NAALADL2: variants seen among roughly 807,000 people sequenced by gnomAD.
NAALADL2 encodes inactive N-acetylated-alpha-linked acidic dipeptidase-like protein 2.
A neutral mutation model predicts 87.2 loss-of-function variants in NAALADL2; 76 were observed. The observed-to-expected ratio is 0.87, with a 90% CI of 0.72 to 1.05. The LOEUF is 1.05. Among genes scored for constraint, NAALADL2 ranks in the 50% least tolerant of loss-of-function variants. The pLI, the probability that NAALADL2 is intolerant of heterozygous loss-of-function variation, is 0.00. For synonymous variants in NAALADL2, 354 were observed against 331.0 expected, an observed-to-expected ratio of 1.07 and a Z score of -0.75; for missense variants, 1,089 against 945.8, an observed-to-expected ratio of 1.15 and a Z score of -1.99.
intron 2 of NAALADL2, among the ~76,000 whole-genome samples, chr3:174,674,382 G>A (rs2108809823): frequency 6.6e-6 from 1 of 152,050 alleles, no homozygotes; most frequent in Admixed American, 6.6e-5. Flanking sequence ...ATGTCTAAAA[G>A]GTGAGGAGAC....
intron 1 of NAALADL2, among the ~76,000 whole-genome samples, chr3:174,548,381 G>A (rs1255464959): frequency 6.6e-6 from 1 of 151,662 alleles, no homozygotes; most frequent in African/African-American, 2.4e-5. Context: ...CATATGCACA[G>A]AAAAAAAACT....
At chr3:175,684,828 A>G (rs1736052890) in intron 11 of NAALADL2, among the ~76,000 whole-genome samples, 1 of 152,200 alleles carries the variant, frequency 6.6e-6, no homozygotes, top group Non-Finnish European at 1.5e-5. Flanking sequence ...TTAAAGATCC[A>G]TATTAAATTG....
chr3:175,742,423 A>G (rs943870021), intron 12 of NAALADL2, among the ~76,000 whole-genome samples: 1 of 152,120 alleles, frequency 6.6e-6, no homozygotes, highest in African/African-American at 2.4e-5. Flanking sequence ...TCTGAGACGG[A>G]GTCTCGCTCT....
intron 2 of NAALADL2, among the ~76,000 whole-genome samples, chr3:174,572,471 T>G (rs1057054351): frequency 7.9e-5 from 12 of 152,182 alleles, no homozygotes; most frequent in African/African-American, 2.9e-4. Context: ...TTTATTTCAC[T>G]GTTAGAAACA....
chr3:175,263,438 A>G (rs1447677485), intron 4 of NAALADL2, among the ~76,000 whole-genome samples: 3 of 151,918 alleles, frequency 2.0e-5, no homozygotes, highest in Non-Finnish European at 4.4e-5. Flanking sequence ...CGAATCTTCA[A>G]AGTCTGTCAA....
chr3:174,933,307 G>A (rs1199566188), intron 1 of NAALADL2, among the ~76,000 whole-genome samples: 1 of 152,134 alleles, frequency 6.6e-6, no homozygotes, highest in East Asian at 1.9e-4. Context: ...ATATTTTCCT[G>A]TTCAGATTCT....
chr3:175,550,679 C>T (rs1340217901), intron 9 of NAALADL2, among the ~76,000 whole-genome samples: 1 of 152,090 alleles, frequency 6.6e-6, no homozygotes, highest in Non-Finnish European at 1.5e-5. Context: ...ATTCTGATCT[C>T]AATAACATAT....
chr3:174,886,070 C>A (rs1371083893), intron 1 of NAALADL2, among the ~76,000 whole-genome samples: 1 of 151,470 alleles, frequency 6.6e-6, no homozygotes, highest in Non-Finnish European at 1.5e-5. Flanking sequence ...CCTGCCACCA[C>A]GCCCAGCTAA....
intron 2 of NAALADL2, among the ~76,000 whole-genome samples, chr3:175,155,195 G>A (rs1732119706): frequency 6.6e-6 from 1 of 152,066 alleles, no homozygotes; most frequent in Non-Finnish European, 1.5e-5. Context: ...TGGGGCCTGG[G>A]TATCAGCAGT....
chr3:175,372,237 AT>A (rs1243046185), intron 5 of NAALADL2, among the ~76,000 whole-genome samples: 1 of 152,052 alleles, frequency 6.6e-6, no homozygotes, highest in Non-Finnish European at 1.5e-5. Flanking sequence ...CCATCATTAC[AT>A]TTTTCATCAT....
upstream of NAALADL2, among the ~76,000 whole-genome samples, chr3:174,855,515 C>G: frequency 6.6e-6 from 1 of 152,034 alleles, no homozygotes; most frequent in South Asian, 2.1e-4. Flanking sequence ...TTAAAACTCC[C>G]TACTTTCCCT....
chr3:174,803,595 G>T (rs1719100457), intron 3 of NAALADL2, among the ~76,000 whole-genome samples: 1 of 149,276 alleles, frequency 6.7e-6, no homozygotes. Flanking sequence ...GGGTTTTTAT[G>T]GTCTTAGGTC....
intron 1 of NAALADL2, among the ~76,000 whole-genome samples, chr3:175,078,349 G>A (rs550736968): frequency 3.9e-5 from 6 of 152,120 alleles, no homozygotes; most frequent in South Asian, 2.1e-4. Flanking sequence ...TTTATCTTAC[G>A]TTTAGGAAAG....
intron 1 of NAALADL2, among the ~76,000 whole-genome samples, chr3:174,918,530 C>G (rs758638793): frequency 2.0e-5 from 3 of 152,140 alleles, no homozygotes; most frequent in Non-Finnish European, 4.4e-5. Context: ...TGTGGATCAT[C>G]TAGGTGATTG....
At chr3:175,452,435 A>T (rs190337850) in intron 6 of NAALADL2, among the ~76,000 whole-genome samples, 11 of 152,308 alleles carry the variant, frequency 7.2e-5, no homozygotes. Flanking sequence ...AGGGAAAACT[A>T]AAAACTTGTT....
At chr3:174,778,953 C>T (rs986009123) in intron 3 of NAALADL2, among the ~76,000 whole-genome samples, 5 of 152,222 alleles carry the variant, frequency 3.3e-5, no homozygotes, top group African/African-American at 1.2e-4. Context: ...GTGCATGTGT[C>T]TTTATAGTAG....
chr3:175,353,056 T>A (rs1763951513), intron 5 of NAALADL2, among the ~76,000 whole-genome samples: 1 of 151,988 alleles, frequency 6.6e-6, no homozygotes, highest in South Asian at 2.1e-4. Flanking sequence ...GTTATTTTTT[T>A]AAACTTCCCT....
In NAALADL2 at chr3:174,717,339, C is replaced by T. The variant is rs571324527; in HGVS notation, c.-114-20302C>T. The stretch of plus-strand genomic sequence containing the variant: ...AAGGTTGATATTGGTTTTGATGCAC[C>T]AGAGACTTTCAGTTTGTCGGCTGAA... On this transcript the variant is annotated intron_variant, in intron 2 of 3. Transcript: ENST00000434257. 2.0e-5 allele frequency among the ~76,000 whole-genome samples: 3 copies of T among 152,106 alleles called. No individual in the cohort carries two copies. In the South Asian group the frequency reaches 6.2e-4, roughly 32 times the overall value.
intron 10 of NAALADL2, among the ~76,000 whole-genome samples, chr3:175,602,495 A>ATG (rs10557737): frequency 6.6e-6 from 1 of 151,228 alleles, no homozygotes; most frequent in African/African-American, 2.4e-5. Context: ...GCTAAATATA[A>ATG]TGTGTGTGTG....
Sources: allele counts gnomAD v4.1 joint callset (sites outside exome capture counted in the v4.1 genomes callset), GRCh38; gene constraint gnomAD v4.1.1; transcripts MANE v1.5; gene names NCBI Gene and HGNC (gene_info 2026-07-23, HGNC 2026-07-21).